MDFIC2: variants seen among roughly 807,000 people sequenced by gnomAD.
MDFIC2 encodes the protein myoD family inhibitor domain-containing protein 2.
At chr3:70,202,758 G>A (rs1275370451) in intron 3 of MDFIC2, among the ~76,000 whole-genome samples, 1 of 152,128 alleles carries the variant, frequency 6.6e-6, no homozygotes, top group Non-Finnish European at 1.5e-5. Flanking sequence ...AGGCTGTGAT[G>A]AGCAAAGTGA....
chr3:70,238,049 T>C (rs1449380799), intron 2 of MDFIC2, among the ~76,000 whole-genome samples: 4 of 132,638 alleles, frequency 3.0e-5, no homozygotes, highest in African/African-American at 1.1e-4. Context: ...CTGTACTTTA[T>C]AGTGACGAAC....
rs940480145 is a variant in MDFIC2 at position 70,230,991 on chromosome 3, C to T, written c.89-24201G>A. On this transcript the variant is annotated intron_variant, in intron 2 of 3. Transcript: ENST00000567252. ...TGATTCCCTGCTCCAGGATGCTGCA[C>T]TGACCCTCCAGGGCCTAGCAGCCCT... is the stretch of plus-strand genomic sequence containing the variant. 2.6e-5 allele frequency among the ~76,000 whole-genome samples: 4 copies of T among 152,216 alleles called. No homozygotes were observed. In the South Asian group the frequency reaches 6.2e-4, roughly 24 times the overall value.
intron 2 of MDFIC2, among the ~76,000 whole-genome samples, chr3:70,275,564 T>C (rs1702016662): frequency 6.6e-6 from 1 of 151,994 alleles, no homozygotes; most frequent in Non-Finnish European, 1.5e-5. Context: ...AGGAATTCAG[T>C]CCTTGGGACT....
intron 2 of MDFIC2, among the ~76,000 whole-genome samples, chr3:70,292,752 C>T (rs1026134457): frequency 6.6e-6 from 1 of 151,970 alleles, no homozygotes; most frequent in Non-Finnish European, 1.5e-5. Flanking sequence ...TGCACACACA[C>T]TGTTTGCAGA....
At chr3:70,293,045 CA>C (rs55990203) in intron 2 of MDFIC2, among the ~76,000 whole-genome samples, 150 of 74,768 alleles carry the variant, frequency 2.0e-3, no homozygotes, top group South Asian at 5.4e-3. Context: ...TGGTTTGAAG[CA>C]AAAAAAAAAA....
intron 2 of MDFIC2, among the ~76,000 whole-genome samples, chr3:70,289,373 T>C (rs184790627): frequency 0.084 from 12,615 of 150,206 alleles, 531 homozygotes; most frequent in South Asian, 0.12. Context: ...TCTTTAAGAA[T>C]GTTGAATATT....
At chr3:70,240,290 GAAA>G (rs899409180) in intron 2 of MDFIC2, among the ~76,000 whole-genome samples, 2 of 150,284 alleles carry the variant, frequency 1.3e-5, no homozygotes, top group Non-Finnish European at 3.0e-5. Context: ...TCATCTTGGG[GAAA>G]AAAAACAGTA....
At chr3:70,243,996 C>T (rs1212880171) in intron 2 of MDFIC2, among the ~76,000 whole-genome samples, 1 of 152,140 alleles carries the variant, frequency 6.6e-6, no homozygotes, top group African/African-American at 2.4e-5. Flanking sequence ...CCCTGTGATG[C>T]CTTTCATCTC....
Position 70,206,697 on chromosome 3 carries a change from G to T in MDFIC2, c.182C>A (p.Pro61Gln). The change falls in exon 3 of 4, where the codon CCA becomes CAA. Residue 61 changes from proline to glutamine, a missense_variant. Pro to Gln is a moderately conservative substitution (Grantham distance 76). Coordinates refer to ENST00000567252, the MANE Select transcript of MDFIC2 (RefSeq NM_001364677.1). ...TTTCTCATTGGGGTTTTCCTTGGCTGGTCCATCTGTGATATTGAAGTCAGA... is the reference window on the plus strand; with the variant it reads ...TTTCTCATTGGGGTTTTCCTTGGCTTGTCCATCTGTGATATTGAAGTCAGA... ...SVSDFNITDG[P>Q]AKENPNEKKL... The T allele has an allele frequency of 2.5e-6, 1 of 397,806 alleles. No individual in the cohort carries two copies. The highest frequency in any genetic ancestry group is 4.4e-6 in the Non-Finnish European group (1 of 225,594). The allele number at this position is 397,806 out of a possible 1,614,324, so 24.6% of individuals were successfully genotyped here. A position where few individuals can be genotyped will look rare whatever the true frequency, so the allele number is the denominator to read the frequency against.
intron 2 of MDFIC2, among the ~76,000 whole-genome samples, chr3:70,250,975 A>C (rs1303893127): frequency 6.6e-6 from 1 of 152,206 alleles, no homozygotes; most frequent in Non-Finnish European, 1.5e-5. Context: ...ATGACATCCC[A>C]ATGTGATTTG....
At chr3:70,243,727 G>T (rs894209652) in intron 2 of MDFIC2, among the ~76,000 whole-genome samples, 5 of 152,028 alleles carry the variant, frequency 3.3e-5, no homozygotes, top group African/African-American at 1.2e-4. Context: ...ACCCTCAGTT[G>T]GGCATCACTG....
intron 2 of MDFIC2, among the ~76,000 whole-genome samples, chr3:70,215,476 AC>A (rs1701399985): frequency 6.6e-6 from 1 of 152,058 alleles, no homozygotes; most frequent in Admixed American, 6.6e-5. Context: ...GTAGGTTCAA[AC>A]CTAGAATTCC....
chr3:70,231,007 T>G (rs907108363), intron 2 of MDFIC2, among the ~76,000 whole-genome samples: 9 of 152,212 alleles, frequency 5.9e-5, no homozygotes, highest in Non-Finnish European at 1.2e-4. Context: ...CTCCAGGGCC[T>G]AGCAGCCCTG....
intron 2 of MDFIC2, among the ~76,000 whole-genome samples, chr3:70,236,930 A>C (rs543557690): frequency 1.1e-3 from 166 of 152,298 alleles, no homozygotes; most frequent in African/African-American, 3.8e-3. Context: ...ATATTTCTTT[A>C]TTAAGCAAGT....
intron 2 of MDFIC2, among the ~76,000 whole-genome samples, chr3:70,292,822 G>C (rs1702251511): frequency 6.6e-6 from 1 of 151,808 alleles, no homozygotes; most frequent in African/African-American, 2.4e-5. Context: ...AAAAATTGCA[G>C]TTTTGTTCAA....
At chr3:70,221,049 A>C (rs985324883) in intron 2 of MDFIC2, among the ~76,000 whole-genome samples, 5 of 152,180 alleles carry the variant, frequency 3.3e-5, no homozygotes, top group Admixed American at 3.3e-4. Context: ...TATTGCATCT[A>C]AACCAGGTAC....
chr3:70,203,131 T>C (rs149220893), intron 3 of MDFIC2, among the ~76,000 whole-genome samples: 9 of 152,172 alleles, frequency 5.9e-5, no homozygotes, highest in Non-Finnish European at 1.2e-4. Flanking sequence ...CTCCCAGAAG[T>C]GATCCCAGAC....
intron 2 of MDFIC2, among the ~76,000 whole-genome samples, chr3:70,275,884 A>G (rs1479077314): frequency 1.3e-5 from 2 of 152,198 alleles, no homozygotes; most frequent in Admixed American, 6.6e-5. Flanking sequence ...TAATTAGGCA[A>G]TAATTACTTA....
intron 2 of MDFIC2, among the ~76,000 whole-genome samples, chr3:70,266,765 A>G (rs1418928885): frequency 2.0e-5 from 3 of 152,118 alleles, no homozygotes; most frequent in African/African-American, 7.2e-5. Flanking sequence ...CTTTTAAAAT[A>G]TATTTCTATA....
Sources: gnomAD v4.1 joint callset for allele counts (sites outside exome capture counted in the v4.1 genomes callset) on GRCh38, gnomAD v4.1.1 for gene constraint, MANE v1.5 for transcripts, NCBI Gene and HGNC (gene_info 2026-07-23, HGNC 2026-07-21) for gene names.